Variants in NALF1 observed in about 807,000 individuals in gnomAD.
NALF1 encodes the protein family with sequence similarity 155 member A.
Under a neutral mutation model 48.4 loss-of-function variants are expected in NALF1, and 3 were observed. That is an observed-to-expected ratio of 0.06 (90% CI 0.03 to 0.16). The LOEUF (loss-of-function observed/expected upper bound fraction) is 0.16. Ranked by LOEUF, NALF1 falls within the 10% of genes least tolerant of loss-of-function variation. The probability of loss-of-function intolerance (pLI) is 1.00; values close to 1 mark genes in which losing one functional copy is unlikely to be tolerated. For synonymous variants in NALF1, 262 were observed against 245.7 expected, an observed-to-expected ratio of 1.07 and a Z score of -0.62; for missense variants, 526 against 571.5, an observed-to-expected ratio of 0.92 and a Z score of 0.81.
At chr13:107,505,893 C>T (rs1417975217) in intron 1 of NALF1, among the ~76,000 whole-genome samples, 2 of 152,066 alleles carry the variant, frequency 1.3e-5, no homozygotes, top group African/African-American at 2.4e-5. Context: ...ATTAAAAACT[C>T]GGTGGAGAGA....
In NALF1 at chr13:107,296,380, T is replaced by C. The variant is rs17446476; in HGVS notation, c.916-85625A>G. On this transcript the variant is annotated intron_variant, in intron 1 of 2. Coordinates refer to ENST00000375915, the MANE Select transcript of NALF1 (RefSeq NM_001080396.3). Reference sequence around the variant, plus strand: ...TAAATTTGTTCACAGCTTATTTTTGTGGGACTAACTTTTTAAAGAATATCT... The same window carrying C: ...TAAATTTGTTCACAGCTTATTTTTGCGGGACTAACTTTTTAAAGAATATCT... Among the ~76,000 whole-genome samples the C allele has an allele frequency of 2.9e-3, 439 of 152,258 alleles. 2 individuals are homozygous for C. The highest frequency in any genetic ancestry group is 4.1e-3 in the Non-Finnish European group (277 of 68,020).
At chr13:107,685,455 G>A (rs1231357775) in intron 1 of NALF1, among the ~76,000 whole-genome samples, 5 of 152,072 alleles carry the variant, frequency 3.3e-5, no homozygotes. Context: ...AATTTAACAC[G>A]ATTATTGTTA....
intron 1 of NALF1, among the ~76,000 whole-genome samples, chr13:107,241,293 T>C (rs1177440068): frequency 6.6e-6 from 1 of 152,038 alleles, no homozygotes. Context: ...TCATATCAGA[T>C]ATGAAGACCA....
At chr13:107,327,292 C>T (rs1024922146) in intron 1 of NALF1, among the ~76,000 whole-genome samples, 2 of 152,046 alleles carry the variant, frequency 1.3e-5, no homozygotes, top group Non-Finnish European at 2.9e-5. Context: ...GCCTCTTGTC[C>T]TCACTCAGAT....
intron 1 of NALF1, among the ~76,000 whole-genome samples, chr13:107,619,568 T>C (rs1412676589): frequency 2.0e-5 from 3 of 152,204 alleles, no homozygotes; most frequent in African/African-American, 2.4e-5. Flanking sequence ...TTTTTCTTTA[T>C]TAGATTATGG....
chr13:107,613,367 T>C (rs1167186562), intron 1 of NALF1, among the ~76,000 whole-genome samples: 1 of 152,130 alleles, frequency 6.6e-6, no homozygotes, highest in Admixed American at 6.5e-5. Context: ...CCTGACTGGG[T>C]AAATTCTTTC....
intron 1 of NALF1, among the ~76,000 whole-genome samples, chr13:107,665,678 G>T (rs1173812478): frequency 6.6e-6 from 1 of 151,830 alleles, no homozygotes; most frequent in Non-Finnish European, 1.5e-5. Context: ...TGACATGTTT[G>T]TGTCTTGTAA....
intron 1 of NALF1, among the ~76,000 whole-genome samples, chr13:107,743,983 T>C (rs971407419): frequency 2.0e-5 from 3 of 152,204 alleles, no homozygotes; most frequent in African/African-American, 4.8e-5. Context: ...GAAATCCTTG[T>C]AGAAGACTAG....
chr13:107,523,048 T>C (rs1028145218), intron 1 of NALF1, among the ~76,000 whole-genome samples: 3 of 152,166 alleles, frequency 2.0e-5, no homozygotes, highest in Non-Finnish European at 4.4e-5. Flanking sequence ...CATTTGGTAA[T>C]TGTTACTATA....
intron 2 of NALF1, among the ~76,000 whole-genome samples, chr13:107,197,598 C>T (rs374731273): frequency 6.6e-5 from 10 of 152,360 alleles, no homozygotes; most frequent in East Asian, 5.8e-4. Flanking sequence ...CATCCACTCT[C>T]GTGTCTGCAT....
intron 1 of NALF1, among the ~76,000 whole-genome samples, chr13:107,322,436 C>A (rs1302942995): frequency 2.0e-5 from 3 of 152,102 alleles, no homozygotes; most frequent in East Asian, 3.9e-4. Flanking sequence ...AAATACCAAC[C>A]AATCATTCAG....
chr13:107,651,267 A>G (rs1880444508), intron 1 of NALF1, among the ~76,000 whole-genome samples: 1 of 152,176 alleles, frequency 6.6e-6, no homozygotes, highest in Non-Finnish European at 1.5e-5. Context: ...TGTATTCTTT[A>G]CTTGCACGGA....
At chr13:107,338,796 G>A (rs781431670) in intron 1 of NALF1, among the ~76,000 whole-genome samples, 4 of 152,154 alleles carry the variant, frequency 2.6e-5, no homozygotes, top group Admixed American at 1.3e-4. Context: ...TGTTTGCCCC[G>A]CGTGTTTCCC....
chr13:107,412,575 CT>C (rs1884011082), intron 1 of NALF1, among the ~76,000 whole-genome samples: 1 of 152,146 alleles, frequency 6.6e-6, no homozygotes, highest in Admixed American at 6.5e-5. Context: ...TAGTAAATTG[CT>C]TGCTATATTT....
Position 107,165,909 on chromosome 13 carries a change from TCTAA to T in NALF1, c.*4584_*4587del, listed in dbSNP as rs747311611. ...TATGGTTTTTAAATGACCATGCTGC[TCTAA>T]CTTTGACAAACAAGTAGGATCATTC... On this transcript the variant is annotated 3_prime_UTR_variant, in exon 3 of 3. Coordinates refer to ENST00000375915, the MANE Select transcript of NALF1 (RefSeq NM_001080396.3). 6.6e-6 allele frequency: 1 copy of T among 152,156 alleles called. No homozygotes were observed. The highest frequency in any genetic ancestry group is 1.5e-5 in the Non-Finnish European group (1 of 68,024). The allele number at this position is 152,156 out of a possible 1,614,324, so 9.4% of individuals were successfully genotyped here.
At chr13:107,201,140 G>A (rs1011804329) in intron 2 of NALF1, among the ~76,000 whole-genome samples, 18 of 151,376 alleles carry the variant, frequency 1.2e-4, no homozygotes, top group Non-Finnish European at 1.5e-4. Flanking sequence ...GTGCATGTAC[G>A]TTGATATCTA....
chr13:107,648,597 T>C (rs1262997303), intron 1 of NALF1, among the ~76,000 whole-genome samples: 1 of 152,222 alleles, frequency 6.6e-6, no homozygotes, highest in East Asian at 1.9e-4. Flanking sequence ...GTAGGACATC[T>C]TGGTTGCTTC....
intron 1 of NALF1, among the ~76,000 whole-genome samples, chr13:107,537,887 A>T (rs960129097): frequency 6.6e-6 from 1 of 152,056 alleles, no homozygotes; most frequent in Non-Finnish European, 1.5e-5. Flanking sequence ...GCATGGTGGC[A>T]CATACCTGTA....
intron 1 of NALF1, among the ~76,000 whole-genome samples, chr13:107,587,874 G>A (rs1448483493): frequency 1.3e-5 from 2 of 152,150 alleles, no homozygotes; most frequent in Non-Finnish European, 2.9e-5. Context: ...CTGCTAGACT[G>A]TAAACCACAC....
Sources: allele counts gnomAD v4.1 joint callset (sites outside exome capture counted in the v4.1 genomes callset), GRCh38; gene constraint gnomAD v4.1.1; transcripts MANE v1.5; gene names NCBI Gene and HGNC (gene_info 2026-07-23, HGNC 2026-07-21).